GAS7: variants seen among roughly 807,000 people sequenced by gnomAD.
The protein encoded by GAS7 is growth arrest specific 7.
In GAS7, 28 loss-of-function variants were observed where a neutral mutation model predicts 71.1. The observed-to-expected ratio is 0.39, with a 90% CI of 0.29 to 0.54. The LOEUF is 0.54. Ranked by LOEUF, GAS7 falls within the 20% of genes least tolerant of loss-of-function variation. The probability of loss-of-function intolerance (pLI) is 0.62; values close to 1 mark genes in which losing one functional copy is unlikely to be tolerated. For missense variants in GAS7, 436 were observed against 627.8 expected, an observed-to-expected ratio of 0.69 and a Z score of 3.27; for synonymous variants, 258 against 245.8, an observed-to-expected ratio of 1.05 and a Z score of -0.46.
chr17:10,002,301 G>A (rs993996724), intron 2 of GAS7, among the ~76,000 whole-genome samples: 34 of 152,170 alleles, frequency 2.2e-4, no homozygotes, highest in African/African-American at 8.0e-4. Context: ...CTGTGCCTTC[G>A]CAGCGTCTTC....
chr17:10,045,254 AG>A (rs2072934196), intron 1 of GAS7, among the ~76,000 whole-genome samples: 1 of 152,176 alleles, frequency 6.6e-6, no homozygotes, highest in Non-Finnish European at 1.5e-5. Flanking sequence ...AACAAGAAAG[AG>A]GACAGGCCAT....
intron 1 of GAS7, among the ~76,000 whole-genome samples, chr17:10,058,839 C>T (rs2073183541): frequency 6.6e-6 from 1 of 152,218 alleles, no homozygotes; most frequent in Non-Finnish European, 1.5e-5. Context: ...GAAAAGTTGA[C>T]AAAATGGTCA....
At chr17:10,012,516 G>C (rs576435756) in intron 2 of GAS7, among the ~76,000 whole-genome samples, 1 of 152,132 alleles carries the variant, frequency 6.6e-6, no homozygotes, top group African/African-American at 2.4e-5. Flanking sequence ...TTGAGCTCCT[G>C]GGCTCAAGTG....
At chr17:9,928,578 TTAG>T (rs1446987935) in intron 9 of GAS7, among the ~76,000 whole-genome samples, 58 of 152,190 alleles carry the variant, frequency 3.8e-4, no homozygotes, top group African/African-American at 1.4e-3. Context: ...TCCACCGGTC[TTAG>T]AGGTGTCTCT....
chr17:10,004,023 G>A (rs1017445742), intron 2 of GAS7, among the ~76,000 whole-genome samples: 2 of 152,306 alleles, frequency 1.3e-5, no homozygotes, highest in South Asian at 2.1e-4. Flanking sequence ...TCAAACACTG[G>A]TGGGTGATGA....
intron 1 of GAS7, among the ~76,000 whole-genome samples, chr17:10,088,815 G>A (rs968838892): frequency 1.3e-5 from 2 of 152,058 alleles, no homozygotes; most frequent in Non-Finnish European, 2.9e-5. Context: ...AGGAGGAGAG[G>A]GGGGTTCAAG....
rs771278695 is a variant in GAS7, at chr17:9,981,985, A to G, written c.305-101T>C. On this transcript the variant is annotated intron_variant, in intron 2 of 13. Transcript: ENST00000432992. This position sits in a 1 kb window ranked among gnomAD's most constrained non-coding sequence, Gnocchi z 4.4. ...GATGCTCAGAGCTGGAGAAAAAGAG[A>G]GACAGCCAATCGCCCTCCTCCCCAA... 14 of 729,354 alleles carry G rather than the reference A, an allele frequency of 1.9e-5. No individual in the cohort carries two copies. The highest frequency in any genetic ancestry group is 3.2e-5 in the Non-Finnish European group (13 of 405,516). The allele number at this position is 729,354 out of a possible 1,614,324, so 45.2% of individuals were successfully genotyped here.
chr17:9,925,961 C>T (rs956883829), intron 10 of GAS7, among the ~76,000 whole-genome samples: 6 of 152,110 alleles, frequency 3.9e-5, no homozygotes, highest in Admixed American at 3.3e-4. Context: ...CCCTGCAGCA[C>T]TTAATAGGAT....
chr17:9,924,357 G>A (rs933760516), intron 11 of GAS7, among the ~76,000 whole-genome samples: 1 of 151,992 alleles, frequency 6.6e-6, no homozygotes, highest in Non-Finnish European at 1.5e-5. Flanking sequence ...AAATTTTTTT[G>A]TAGAGATGAG....
chr17:9,925,655 C>G (rs992753949), intron 10 of GAS7, 56 bp from the exon 11 acceptor site: 5 of 1,599,066 alleles, frequency 3.1e-6, no homozygotes, highest in Non-Finnish European at 4.3e-6. Flanking sequence ...AGTGGGCCTC[C>G]TGGGCCACGC....
rs1275302790 is a variant in GAS7 at position 9,915,531 on chromosome 17, A to G, written c.*1697T>C. The G allele has an allele frequency of 1.3e-5, 3 of 227,350 alleles. No individual in the cohort carries two copies. Among genetic ancestry groups the G allele is most frequent in the Non-Finnish European group, 2.6e-5 (3 of 114,372 alleles). 14.1% of individuals were successfully genotyped at this position (227,350 alleles called of 1,614,324 possible). ...TTGGTTGCAATGTTTCAAGAACAAGAGAAAAGTGACAACGTTTGGTTTACT... is the reference window on the plus strand; with the variant it reads ...TTGGTTGCAATGTTTCAAGAACAAGGGAAAAGTGACAACGTTTGGTTTACT... On this transcript the variant is annotated 3_prime_UTR_variant, in exon 14 of 14. Coordinates refer to ENST00000432992, the MANE Select transcript of GAS7 (RefSeq NM_201433.2).
chr17:10,090,558 T>TCGAGTCCA (rs66727555), intron 1 of GAS7, among the ~76,000 whole-genome samples: 78,443 of 151,428 alleles, frequency 0.52, 20,932 homozygotes, highest in African/African-American at 0.62. Context: ...AATCCTGAAC[T>TCGAGTCCA]CTTTCAAACT....
chr17:9,958,873 T>G, intron 5 of GAS7: 1 of 630,632 alleles, frequency 1.6e-6, no homozygotes, highest in Non-Finnish European at 2.2e-6. Context: ...ACACGTCACA[T>G]CACTTGCGCT....
At position 9,917,888 on chromosome 17, in the gene GAS7, C is replaced by T. The variant is rs1447539973; in HGVS notation, c.1317+113G>A. ...CAGGCCAGAGCACCTGCCCACTGCC[C>T]GCCTTTAGGGCAGATTCACTTGCAG... is the stretch of plus-strand genomic sequence containing the variant. On this transcript the variant is annotated intron_variant, in intron 13 of 13. Coordinates refer to ENST00000432992, the MANE Select transcript of GAS7 (RefSeq NM_201433.2). 2.5e-5 allele frequency: 18 copies of T among 723,106 alleles called. 1 individual carries two copies. The highest frequency in any genetic ancestry group is 7.1e-5 in the South Asian group (4 of 56,508). 44.8% of individuals were successfully genotyped at this position (723,106 alleles called of 1,614,324 possible). A position where few individuals can be genotyped will look rare whatever the true frequency, so the allele number is the denominator to read the frequency against.
intron 1 of GAS7, among the ~76,000 whole-genome samples, chr17:10,063,986 G>A (rs991858256): frequency 7.9e-5 from 12 of 152,116 alleles, no homozygotes; most frequent in African/African-American, 2.4e-4. Flanking sequence ...TAGCACGAGC[G>A]CTCGTCCCCA....
chr17:9,989,348 T>C (rs1328405615), intron 2 of GAS7, among the ~76,000 whole-genome samples: 1 of 152,178 alleles, frequency 6.6e-6, no homozygotes, highest in Non-Finnish European at 1.5e-5. Flanking sequence ...TTATTATTCA[T>C]TCAACACATA....
chr17:10,019,971 C>A (rs901070844), intron 1 of GAS7, 74 bp from the exon 2 acceptor site: 1 of 1,410,106 alleles, frequency 7.1e-7, no homozygotes, highest in Non-Finnish European at 9.9e-7. Context: ...AAGGCAAAGG[C>A]TGATGAATTC....
chr17:9,921,323 G>C (rs111838703), intron 11 of GAS7, among the ~76,000 whole-genome samples: 8,325 of 151,696 alleles, frequency 0.055, 691 homozygotes, highest in African/African-American at 0.18. Context: ...CCCCTGGCTA[G>C]TTTTTGTATT....
chr17:10,148,909 C>CAAAA (rs752140645), intron 1 of GAS7, among the ~76,000 whole-genome samples: 27,637 of 116,626 alleles, frequency 0.24, 4,343 homozygotes, highest in African/African-American at 0.28. Flanking sequence ...GACTCCGCCT[C>CAAAA]AAAAAAAAAA....
Sources: gnomAD v4.1 joint callset for allele counts (sites outside exome capture counted in the v4.1 genomes callset) on GRCh38, gnomAD v4.1.1 for gene constraint, Gnocchi (gnomAD v3.1) non-coding constraint, MANE v1.5 for transcripts, NCBI Gene and HGNC (gene_info 2026-07-23, HGNC 2026-07-21) for gene names.